GRID1: variants seen among roughly 807,000 people sequenced by gnomAD.
GRID1 encodes glutamate receptor ionotropic, delta-1.
Under a neutral mutation model 98.0 loss-of-function variants are expected in GRID1, and 28 were observed. The observed-to-expected ratio is 0.29, with a 90% CI of 0.21 to 0.39. The LOEUF (loss-of-function observed/expected upper bound fraction) is 0.39. Ranked by LOEUF, GRID1 falls within the 10% of genes least tolerant of loss-of-function variation. GRID1 has a pLI of 1.00. For synonymous variants in GRID1, 553 were observed against 538.5 expected (o/e 1.03, Z -0.37); for missense variants, 1,111 against 1,340.5 (o/e 0.83, Z 2.67).
chr10:86,042,408 C>G lies in GRID1; in HGVS notation c.726+96411G>C, dbSNP rs76391177. The stretch of plus-strand genomic sequence containing the variant: ...GGGTGCACAGTGTGGGCCACAGTAC[C>G]TGGAGGAAAGGGATACCAGGAAGAG... On this transcript the variant is annotated intron_variant, in intron 4 of 15. Transcript: ENST00000327946. 4.6e-3 allele frequency among the ~76,000 whole-genome samples: 706 copies of G among 152,250 alleles called. 25 individuals carry two copies. The East Asian group carries it at 0.074, about 16-fold the overall frequency.
At chr10:85,740,303 G>A (rs1564575933) in intron 8 of GRID1, among the ~76,000 whole-genome samples, 1 of 152,120 alleles carries the variant, frequency 6.6e-6, no homozygotes, top group Admixed American at 6.5e-5. Flanking sequence ...TCAGATATTA[G>A]TTATTGTTAT....
intron 13 of GRID1, among the ~76,000 whole-genome samples, chr10:85,640,417 C>CT (rs1418118876): frequency 2.0e-5 from 3 of 152,190 alleles, no homozygotes; most frequent in Non-Finnish European, 4.4e-5. Context: ...CTACACAGGG[C>CT]TATCTAGTCT....
At chr10:85,765,391 T>A (rs1198309476) in intron 8 of GRID1, among the ~76,000 whole-genome samples, 1 of 152,172 alleles carries the variant, frequency 6.6e-6, no homozygotes, top group Non-Finnish European at 1.5e-5. Flanking sequence ...GTCTCCAGTT[T>A]AGTAATATTT....
intron 4 of GRID1, among the ~76,000 whole-genome samples, chr10:86,116,954 C>T (rs1170060949): frequency 6.6e-6 from 1 of 152,124 alleles, no homozygotes; most frequent in African/African-American, 2.4e-5. Flanking sequence ...CCACCACCAT[C>T]ACTGCAATCA....
At chr10:86,019,816 C>G in intron 4 of GRID1, among the ~76,000 whole-genome samples, 1 of 152,242 alleles carries the variant, frequency 6.6e-6, no homozygotes. Context: ...GGCCACGAGG[C>G]ATCCTCAGCA....
At chr10:85,629,306 T>C (rs1842946897) in intron 13 of GRID1, among the ~76,000 whole-genome samples, 1 of 152,184 alleles carries the variant, frequency 6.6e-6, no homozygotes, top group Non-Finnish European at 1.5e-5. Context: ...TAGTGAAGTC[T>C]GGGATTTTAT....
In GRID1 at chr10:85,734,527, C is replaced by G. The variant is rs1038343610; in HGVS notation, c.1234-4913G>C. Among the ~76,000 whole-genome samples the G allele has an allele frequency of 8.5e-5, 13 of 152,178 alleles. No individual in the cohort carries two copies. In the South Asian group the frequency reaches 2.7e-3, roughly 32 times the overall value. ...TTAATACAGACTTCTGTCTCCCTGG[C>G]CTTTAGGCATCCTGTACCCTGATAA... On this transcript the variant is annotated intron_variant, in intron 8 of 15. Coordinates refer to ENST00000327946, the MANE Select transcript of GRID1 (RefSeq NM_017551.3).
intron 2 of GRID1, among the ~76,000 whole-genome samples, chr10:86,360,957 A>G (rs907113277): frequency 6.6e-6 from 1 of 152,344 alleles, no homozygotes; most frequent in East Asian, 1.9e-4. Context: ...TGTCCAGTCA[A>G]TGATGGAGAT....
At chr10:86,252,523 C>A (rs1196925228) in intron 2 of GRID1, among the ~76,000 whole-genome samples, 1 of 152,202 alleles carries the variant, frequency 6.6e-6, no homozygotes, top group Non-Finnish European at 1.5e-5. Flanking sequence ...TAAATAAATA[C>A]GTGGTTTGAC....
At chr10:85,626,384 C>G (rs1365089558) in intron 13 of GRID1, among the ~76,000 whole-genome samples, 3 of 152,224 alleles carry the variant, frequency 2.0e-5, no homozygotes, top group African/African-American at 4.8e-5. Flanking sequence ...GAAAATTCAC[C>G]TACTGTCTTT....
chr10:85,742,378 G>T (rs371104646), intron 8 of GRID1, among the ~76,000 whole-genome samples: 1 of 152,008 alleles, frequency 6.6e-6, no homozygotes, highest in Non-Finnish European at 1.5e-5. Flanking sequence ...GAAATTAAGC[G>T]GCAGGCTGCA....
chr10:86,008,373 C>G (rs961098142), intron 4 of GRID1, among the ~76,000 whole-genome samples: 1 of 148,042 alleles, frequency 6.8e-6, no homozygotes, highest in Non-Finnish European at 1.5e-5. Context: ...TTAAACAAAC[C>G]AAAAAAAAAC....
At chr10:85,674,786 C>T (rs1841126043) in intron 12 of GRID1, among the ~76,000 whole-genome samples, 1 of 151,698 alleles carries the variant, frequency 6.6e-6, no homozygotes. Flanking sequence ...CACTGACATG[C>T]CCAGTGTATG....
intron 4 of GRID1, among the ~76,000 whole-genome samples, chr10:86,107,223 C>G (rs1327393740): frequency 6.6e-6 from 1 of 152,234 alleles, no homozygotes. Flanking sequence ...GTGCCTTCTT[C>G]TCACTGCCCG....
intron 3 of GRID1, among the ~76,000 whole-genome samples, chr10:86,188,648 G>A (rs575651169): frequency 5.3e-5 from 8 of 152,308 alleles, no homozygotes; most frequent in Non-Finnish European, 1.2e-4. Context: ...GGTTGGCAGG[G>A]CTGCCCTGGG....
intron 3 of GRID1, among the ~76,000 whole-genome samples, chr10:86,143,734 G>A (rs1287467943): frequency 6.6e-6 from 1 of 152,242 alleles, no homozygotes; most frequent in Non-Finnish European, 1.5e-5. Flanking sequence ...CAGGTCTCCA[G>A]GCACCCAGGA....
chr10:85,875,627 T>C (rs1396993468), intron 5 of GRID1, among the ~76,000 whole-genome samples: 1 of 152,222 alleles, frequency 6.6e-6, no homozygotes, highest in Non-Finnish European at 1.5e-5. Flanking sequence ...TTGGCAGTTA[T>C]GTTTTCTATG....
intron 15 of GRID1, among the ~76,000 whole-genome samples, 188 bp from the exon 16 acceptor site, chr10:85,602,889 G>A (rs546029419): frequency 5.9e-5 from 9 of 152,218 alleles, no homozygotes; most frequent in South Asian, 4.1e-4. Context: ...GAGAAGCCAG[G>A]GGGGAGACAT....
At chr10:85,827,449 T>C (rs12245902) in intron 8 of GRID1, among the ~76,000 whole-genome samples, 5 of 151,890 alleles carry the variant, frequency 3.3e-5, no homozygotes, top group African/African-American at 1.2e-4. Flanking sequence ...GAGAGAGAAT[T>C]AAAAAGAATG....
Sources: gnomAD v4.1 joint callset for allele counts (sites outside exome capture counted in the v4.1 genomes callset) on GRCh38, gnomAD v4.1.1 for gene constraint, MANE v1.5 for transcripts, NCBI Gene and HGNC (gene_info 2026-07-23, HGNC 2026-07-21) for gene names.